The following BMPR1B variants were observed in gnomAD, a reference collection of about 807,000 sequenced individuals.
The protein encoded by BMPR1B is bone morphogenetic protein receptor type 1B.
In BMPR1B, 12 loss-of-function variants were observed where a neutral mutation model predicts 59.1. That is an observed-to-expected ratio of 0.20 (90% CI 0.13 to 0.33). The LOEUF (loss-of-function observed/expected upper bound fraction) is 0.33, where lower values mean the gene tolerates loss of function less well. Ranked by LOEUF, BMPR1B falls within the 10% of genes least tolerant of loss-of-function variation. BMPR1B has a pLI of 1.00. For missense variants in BMPR1B, 550 were observed against 610.9 expected (o/e 0.90, Z 1.05); for synonymous variants, 237 against 207.3 (o/e 1.14, Z -1.23).
intron 1 of BMPR1B, among the ~76,000 whole-genome samples, chr4:94,775,903 A>G (rs1224793066): frequency 6.6e-6 from 1 of 152,142 alleles, no homozygotes; most frequent in Non-Finnish European, 1.5e-5. Context: ...CGTCCTGGCT[A>G]ACACGGTGAA....
At chr4:95,099,869 T>A (rs1336900777) in intron 3 of BMPR1B, among the ~76,000 whole-genome samples, 4 of 152,228 alleles carry the variant, frequency 2.6e-5, no homozygotes, top group Non-Finnish European at 5.9e-5. Flanking sequence ...TTCTCATCCC[T>A]GCTCCTACTA....
At chr4:94,906,280 C>T (rs914473014) in intron 2 of BMPR1B, among the ~76,000 whole-genome samples, 2 of 151,970 alleles carry the variant, frequency 1.3e-5, no homozygotes, top group Non-Finnish European at 2.9e-5. Flanking sequence ...TGAAAATGCC[C>T]TTGGAGACCA....
chr4:95,091,458 A>T (rs1729982691), intron 3 of BMPR1B: 1 of 985,212 alleles, frequency 1.0e-6, no homozygotes, highest in Non-Finnish European at 1.2e-6. Flanking sequence ...AGGCAACCAC[A>T]GTCTGGGCTG....
At chr4:95,104,297 T>G in intron 3 of BMPR1B, 111 bp from the exon 4 acceptor site, 4 of 1,263,302 alleles carry the variant, frequency 3.2e-6, no homozygotes, top group Non-Finnish European at 3.3e-6. Context: ...GTTTAAATCT[T>G]TAAGTATCTT....
intron 1 of BMPR1B, among the ~76,000 whole-genome samples, chr4:94,841,216 G>C (rs920170705): frequency 1.3e-5 from 2 of 149,414 alleles, no homozygotes; most frequent in Non-Finnish European, 3.0e-5. Context: ...CTGTCTTTTT[G>C]TTTGTCTGTG....
At chr4:95,061,607 G>A (rs1022236883) in intron 3 of BMPR1B, among the ~76,000 whole-genome samples, 1 of 152,130 alleles carries the variant, frequency 6.6e-6, no homozygotes, top group African/African-American at 2.4e-5. Context: ...TTTTGAAAGC[G>A]AAGAAAATGA....
rs5860385 is a variant in BMPR1B at position 95,003,801 on chromosome 4, C to CTTTTTTTT, written c.-18+7684_-18+7691dup. Among the ~76,000 whole-genome samples, 167 of 84,536 alleles carry CTTTTTTTT rather than the reference C, an allele frequency of 2.0e-3. 3 individuals are homozygous for CTTTTTTTT. Among genetic ancestry groups the CTTTTTTTT allele is most frequent in the East Asian group, 2.5e-3 (6 of 2,426 alleles). 55.5% of individuals were successfully genotyped at this position (84,536 alleles called of 152,430 possible). Reference sequence around the variant, plus strand: ...AAACTTGGATATGACCAAAGTCCATCTTTTTTTTTTTTTTTTTTTTTTTTG... The same window carrying CTTTTTTTT: ...AAACTTGGATATGACCAAAGTCCATCTTTTTTTTTTTTTTTTTTTTTTTTTTTTTTTTG... On this transcript the variant is annotated intron_variant, in intron 3 of 12. Transcript: ENST00000515059.
intron 2 of BMPR1B, among the ~76,000 whole-genome samples, chr4:94,877,774 A>G (rs1321892929): frequency 6.6e-6 from 1 of 152,126 alleles, no homozygotes; most frequent in Non-Finnish European, 1.5e-5. Context: ...TATCAAATAC[A>G]TTGAGATACA....
chr4:94,863,094 C>T (rs888552644), intron 1 of BMPR1B, among the ~76,000 whole-genome samples: 8 of 151,544 alleles, frequency 5.3e-5, no homozygotes, highest in Admixed American at 1.3e-4. Flanking sequence ...CCAGCCTGGG[C>T]AACAAGAGTG....
chr4:94,920,451 CCA>C (rs1728645688), intron 2 of BMPR1B, among the ~76,000 whole-genome samples: 1 of 152,132 alleles, frequency 6.6e-6, no homozygotes, highest in African/African-American at 2.4e-5. Context: ...TGGGGGCTCC[CCA>C]CACGTCAAAT....
chr4:95,098,862 G>A (rs1052353706), intron 3 of BMPR1B, among the ~76,000 whole-genome samples: 2 of 151,970 alleles, frequency 1.3e-5, no homozygotes, highest in African/African-American at 2.4e-5. Flanking sequence ...GACTACAGGT[G>A]CCCGCTACCA....
chr4:94,968,455 A>C (rs1433896390), intron 2 of BMPR1B, among the ~76,000 whole-genome samples: 1 of 152,170 alleles, frequency 6.6e-6, no homozygotes. Flanking sequence ...ATTCTGGGGA[A>C]AATATGTTTA....
intron 3 of BMPR1B, among the ~76,000 whole-genome samples, chr4:95,082,645 G>C (rs1271388019): frequency 6.6e-6 from 1 of 152,142 alleles, no homozygotes; most frequent in East Asian, 1.9e-4. Context: ...GTCCCAAATA[G>C]TAAATGGCAG....
rs140032895 is a variant in BMPR1B at position 94,893,346 on chromosome 4, C to T, written c.-113+17446C>T. ...GCCTTCTCTGTCTGTAGTAATGGACCATTTCCGTCTTTCTTAATGAGGCTT... is the reference window on the plus strand; with the variant it reads ...GCCTTCTCTGTCTGTAGTAATGGACTATTTCCGTCTTTCTTAATGAGGCTT... On this transcript the variant is annotated intron_variant, in intron 2 of 12. Transcript: ENST00000515059. Among the ~76,000 whole-genome samples the T allele has an allele frequency of 3.5e-3, 529 of 152,068 alleles. 3 individuals are homozygous for T. Among genetic ancestry groups the T allele is most frequent in the African/African-American group, 7.5e-3 (313 of 41,528 alleles).
At chr4:95,134,661 G>A (rs1733634841) in intron 10 of BMPR1B, among the ~76,000 whole-genome samples, 2 of 152,272 alleles carry the variant, frequency 1.3e-5, no homozygotes, top group African/African-American at 4.8e-5. Context: ...CTGCATAAAT[G>A]TCTTCTTTTG....
At chr4:94,920,641 A>G (rs1728654665) in intron 2 of BMPR1B, among the ~76,000 whole-genome samples, 1 of 152,228 alleles carries the variant, frequency 6.6e-6, no homozygotes, top group African/African-American at 2.4e-5. Flanking sequence ...TACTAAAAAA[A>G]GTCCTGGTTA....
chr4:94,963,519 A>G (rs1294311059), intron 2 of BMPR1B, among the ~76,000 whole-genome samples: 2 of 152,172 alleles, frequency 1.3e-5, no homozygotes, highest in East Asian at 1.9e-4. Context: ...TGATTTTTGT[A>G]TATGGCACAA....
intron 3 of BMPR1B, among the ~76,000 whole-genome samples, chr4:95,074,778 G>A (rs1050055197): frequency 1.3e-5 from 2 of 151,882 alleles, no homozygotes; most frequent in African/African-American, 4.8e-5. Flanking sequence ...CTGTTATTTA[G>A]TAATGGAAAT....
intron 3 of BMPR1B, among the ~76,000 whole-genome samples, chr4:95,019,463 A>T (rs955254874): frequency 6.6e-6 from 1 of 152,216 alleles, no homozygotes; most frequent in African/African-American, 2.4e-5. Context: ...GTTACCTACT[A>T]GAGAATGCAT....
Sources: gnomAD v4.1 joint callset for allele counts (sites outside exome capture counted in the v4.1 genomes callset) on GRCh38, gnomAD v4.1.1 for gene constraint, MANE v1.5 for transcripts, NCBI Gene and HGNC (gene_info 2026-07-23, HGNC 2026-07-21) for gene names.